Variants in LCE6A observed in about 807,000 individuals in gnomAD.
LCE6A encodes the protein late cornified envelope 6A, also known as late cornified envelope protein 6A.
For missense variants in LCE6A, 105 were observed against 95.3 expected (o/e 1.10, Z -0.42); for synonymous variants, 38 against 35.2 (o/e 1.08, Z -0.28).
chr1:152,842,930 G>A lies in LCE6A; in HGVS notation c.-103G>A, dbSNP rs7552416. ...TAGGGTAAGGCTACTTCTGGCTGAG[G>A]AGACACTTGGATGTAGCTCAAGTGC... On this transcript the variant is annotated 5_prime_UTR_variant, in exon 1 of 2. Transcript: ENST00000431011. 8,545 of 152,334 alleles carry A rather than the reference G, an allele frequency of 0.056. 900 individuals are homozygous for A. The highest frequency in any genetic ancestry group is 0.48 in the East Asian group (2,490 of 5,158). The allele number at this position is 152,334 out of a possible 1,614,324, so 9.4% of individuals were successfully genotyped here.
Position 152,843,858 on chromosome 1 carries a change from A to G in LCE6A, c.*95A>G. 1 of 1,393,502 alleles carries G rather than the reference A, an allele frequency of 7.2e-7. No homozygotes were observed. The highest frequency in any genetic ancestry group is 9.5e-7 in the Non-Finnish European group (1 of 1,048,248). The allele number at this position is 1,393,502 out of a possible 1,614,324, so 86.3% of individuals were successfully genotyped here. On this transcript the variant is annotated 3_prime_UTR_variant, in exon 2 of 2. Coordinates refer to ENST00000431011, the MANE Select transcript of LCE6A (RefSeq NM_001128600.2). ...TGGAAAGCCAGGCCCTCAACCTCTC[A>G]TTTGGACTGAGAAACACTTCCTGAT...
rs1647889142 is a variant in LCE6A, at chr1:152,842,998, A to T, written c.-35A>T. The T allele has an allele frequency of 6.6e-6, 1 of 152,516 alleles. No individual in the cohort carries two copies. Among genetic ancestry groups the T allele is most frequent in the African/African-American group, 2.4e-5 (1 of 41,428 alleles). The allele number at this position is 152,516 out of a possible 1,614,324, so 9.4% of individuals were successfully genotyped here. Reference sequence around the variant, plus strand: ...TCTCTCCTCTCGTCTCTTCCCAGGGAGCTGAAAAGCCAGGTAGGAGATGCT... The same window carrying T: ...TCTCTCCTCTCGTCTCTTCCCAGGGTGCTGAAAAGCCAGGTAGGAGATGCT... On this transcript the variant is annotated 5_prime_UTR_variant, in exon 1 of 2. Transcript: ENST00000431011.
At chr1:152,843,434 G>A in intron 1 of LCE6A, 66 bp from the exon 2 acceptor site, 1 of 1,376,224 alleles carries the variant, frequency 7.3e-7, no homozygotes, top group Non-Finnish European at 9.7e-7. Flanking sequence ...GACAGCTCCA[G>A]TTTGTGGAGG....
Position 152,843,957 on chromosome 1 carries a change from A to C in LCE6A, c.*194A>C. The stretch of plus-strand genomic sequence containing the variant: ...TCTCTTCCATTCACCCCTTCAGCTC[A>C]GCAACAATAAAGCTGCTTTACTTGG... On this transcript the variant is annotated 3_prime_UTR_variant, in exon 2 of 2. Coordinates refer to ENST00000431011, the MANE Select transcript of LCE6A (RefSeq NM_001128600.2). 3.6e-6 allele frequency: 2 copies of C among 552,690 alleles called. No homozygotes were observed. Among genetic ancestry groups the C allele is most frequent in the Non-Finnish European group, 6.2e-6 (2 of 322,132 alleles). The allele number at this position is 552,690 out of a possible 1,614,324, so 34.2% of individuals were successfully genotyped here.
At position 152,843,513 on chromosome 1, in the gene LCE6A, G is replaced by A. The variant is rs1340470257; in HGVS notation, c.-8G>A. 6.6e-7 allele frequency: 1 copy of A among 1,517,290 alleles called. No individual in the cohort carries two copies. Among genetic ancestry groups the A allele is most frequent in the South Asian group, 1.2e-5 (1 of 80,018 alleles). 94.0% of individuals were successfully genotyped at this position (1,517,290 alleles called of 1,614,324 possible). ...TTTTTCTTCCAGATTCGACCTGGTAGCCAAGCAATGTCACAGCAGAAGCAG... is the reference window on the plus strand; with the variant it reads ...TTTTTCTTCCAGATTCGACCTGGTAACCAAGCAATGTCACAGCAGAAGCAG... On this transcript the variant is annotated 5_prime_UTR_variant, in exon 2 of 2. Coordinates refer to ENST00000431011, the MANE Select transcript of LCE6A (RefSeq NM_001128600.2).
rs766698961 is a variant in LCE6A at position 152,843,693 on chromosome 1, G to A, written c.173G>A (p.Arg58His). 74 of 1,551,294 alleles carry A rather than the reference G, an allele frequency of 4.8e-5. No individual in the cohort carries two copies. Among genetic ancestry groups the A allele is most frequent in the Admixed American group, 1.8e-4 (9 of 50,958 alleles). The change falls in exon 2 of 2, where the codon CGT becomes CAT. Residue 58 changes from arginine (R) to histidine (H), a missense_variant. Coordinates refer to ENST00000431011, the MANE Select transcript of LCE6A (RefSeq NM_001128600.2). ...RPEVQKPRRA[R>H]QKLRCLSRGT... The stretch of plus-strand genomic sequence containing the variant: ...GAGGTTCAGAAGCCTAGGAGGGCTC[G>A]TCAAAAGCTGCGCTGCCTAAGTAGG...
rs540031019 is a variant in LCE6A at position 152,842,915 on chromosome 1, C to T, written c.-118C>T. ...CCACACATCTTCCACTAGGGTAAGG[C>T]TACTTCTGGCTGAGGAGACACTTGG... On this transcript the variant is annotated 5_prime_UTR_variant, in exon 1 of 2. Transcript: ENST00000431011. The T allele has an allele frequency of 6.6e-6, 1 of 152,414 alleles. No individual in the cohort carries two copies. 9.4% of individuals were successfully genotyped at this position (152,414 alleles called of 1,614,324 possible).
intron 1 of LCE6A, 61 bp from the exon 2 acceptor site, chr1:152,843,439 T>C (rs1352207442): frequency 1.4e-6 from 2 of 1,391,138 alleles, no homozygotes; most frequent in Admixed American, 5.6e-5. Flanking sequence ...CTCCAGTTTG[T>C]GGAGGAGAGA....
Position 152,843,847 on chromosome 1 carries a change from C to T in LCE6A, c.*84C>T, listed in dbSNP as rs757080970. 8.4e-6 allele frequency: 12 copies of T among 1,434,186 alleles called. No homozygotes were observed. In the East Asian group the frequency reaches 2.0e-4, roughly 24 times the overall value. 88.8% of individuals were successfully genotyped at this position (1,434,186 alleles called of 1,614,324 possible). On this transcript the variant is annotated 3_prime_UTR_variant, in exon 2 of 2. Coordinates refer to ENST00000431011, the MANE Select transcript of LCE6A (RefSeq NM_001128600.2). ...TAATTCCCCCTTGGAAAGCCAGGCC[C>T]TCAACCTCTCATTTGGACTGAGAAA...
rs1557848757 is a variant in LCE6A at position 152,843,481 on chromosome 1, A to G, written c.-21-19A>G. On this transcript the variant is annotated intron_variant, in intron 1 of 1. Coordinates refer to ENST00000431011, the MANE Select transcript of LCE6A (RefSeq NM_001128600.2). ...AGCCCAAGCTGCCTGGGTCCCTGAT[A>G]TAACTATTTTTCTTCCAGATTCGAC... 2 of 1,481,180 alleles carry G rather than the reference A, an allele frequency of 1.4e-6. No individual in the cohort carries two copies. The highest frequency in any genetic ancestry group is 2.5e-5 in the East Asian group (1 of 40,266). The allele number at this position is 1,481,180 out of a possible 1,614,324, so 91.8% of individuals were successfully genotyped here.
rs1048792767 is a variant in LCE6A, at chr1:152,843,830, C to A, written c.*67C>A. The A allele has an allele frequency of 1.4e-6, 2 of 1,464,990 alleles. No homozygotes were observed. Among genetic ancestry groups the A allele is most frequent in the Admixed American group, 2.5e-5 (1 of 39,250 alleles). The allele number at this position is 1,464,990 out of a possible 1,614,324, so 90.7% of individuals were successfully genotyped here. Reference sequence around the variant, plus strand: ...GCCCCACCTTTGGGTACTAATTCCCCCTTGGAAAGCCAGGCCCTCAACCTC... The same window carrying A: ...GCCCCACCTTTGGGTACTAATTCCCACTTGGAAAGCCAGGCCCTCAACCTC... On this transcript the variant is annotated 3_prime_UTR_variant, in exon 2 of 2. Transcript: ENST00000431011.
chr1:152,843,585 G>T lies in LCE6A; in HGVS notation c.65G>T (p.Arg22Ile). The change falls in exon 2 of 2, where the codon AGA becomes ATA. Residue 22 changes from arginine to isoleucine, a missense_variant. By Grantham distance (97) the Arg-to-Ile change is moderately conservative. Coordinates refer to ENST00000431011, the MANE Select transcript of LCE6A (RefSeq NM_001128600.2). ...GTTCCCAAATGCTCCCCTCCCCAAA[G>T]ATCAAACCCCTGCCTAGCTCCCTAC... Reference protein sequence around the residue: ...PNVPKCSPPQRSNPCLAPYST... With the variant: ...PNVPKCSPPQISNPCLAPYST... The T allele has an allele frequency of 6.4e-7, 1 of 1,551,336 alleles. No individual in the cohort carries two copies. Among genetic ancestry groups the T allele is most frequent in the Non-Finnish European group, 8.7e-7 (1 of 1,146,802 alleles).
chr1:152,843,980 T>G lies in LCE6A; in HGVS notation c.*217T>G, dbSNP rs1363542005. 6.6e-6 allele frequency: 3 copies of G among 455,994 alleles called. No individual in the cohort carries two copies. The highest frequency in any genetic ancestry group is 3.9e-5 in the African/African-American group (2 of 51,194). The allele number at this position is 455,994 out of a possible 1,614,324, so 28.2% of individuals were successfully genotyped here. A position where few individuals can be genotyped will look rare whatever the true frequency, so the allele number is the denominator to read the frequency against. ...TCAGCAACAATAAAGCTGCTTTACT[T>G]GGAGCCCTGACTTCTGTGAGTTCTT... On this transcript the variant is annotated 3_prime_UTR_variant, in exon 2 of 2. Coordinates refer to ENST00000431011, the MANE Select transcript of LCE6A (RefSeq NM_001128600.2).
rs1247558060 is a variant in LCE6A at position 152,842,899 on chromosome 1, T to A, written c.-134T>A. ...TCCTGGGATAACTTGTCCACACATC[T>A]TCCACTAGGGTAAGGCTACTTCTGG... On this transcript the variant is annotated 5_prime_UTR_variant, in exon 1 of 2. Transcript: ENST00000431011. The A allele has an allele frequency of 6.6e-6, 1 of 152,360 alleles. No individual in the cohort carries two copies. The highest frequency in any genetic ancestry group is 1.5e-5 in the Non-Finnish European group (1 of 68,160). The allele number at this position is 152,360 out of a possible 1,614,324, so 9.4% of individuals were successfully genotyped here.
Position 152,843,917 on chromosome 1 carries a change from C to A in LCE6A, c.*154C>A, listed in dbSNP as rs116136882. 1.8e-3 allele frequency: 1,449 copies of A among 822,964 alleles called. 15 individuals are homozygous for A. In the African/African-American group the frequency reaches 0.023, roughly 13 times the overall value. 51.0% of individuals were successfully genotyped at this position (822,964 alleles called of 1,614,324 possible). A position where few individuals can be genotyped will look rare whatever the true frequency, so the allele number is the denominator to read the frequency against. On this transcript the variant is annotated 3_prime_UTR_variant, in exon 2 of 2. Transcript: ENST00000431011. ...CTAGAGAAGCGAGAACTAGGCTGAG[C>A]CACGCTGCTACTGCTCTCTTCCATT...
intron 1 of LCE6A, 124 bp from the exon 2 acceptor site, chr1:152,843,376 C>T (rs1206729948): frequency 1.3e-6 from 1 of 780,828 alleles, no homozygotes; most frequent in Non-Finnish European, 2.0e-6. Flanking sequence ...CCGTTTTTCT[C>T]CTCCTGAGAT....
At chr1:152,843,411 G>A in intron 1 of LCE6A, 89 bp from the exon 2 acceptor site, 1 of 1,194,382 alleles carries the variant, frequency 8.4e-7, no homozygotes, top group Non-Finnish European at 1.2e-6. Context: ...TGTAAATGCT[G>A]GACTTCATTT....
At position 152,843,726 on chromosome 1, in the gene LCE6A, C is replaced by A. The variant is rs146442958; in HGVS notation, c.206C>A (p.Thr69Asn). 192 of 1,551,278 alleles carry A rather than the reference C, an allele frequency of 1.2e-4. No individual in the cohort carries two copies. In the East Asian group the frequency reaches 2.1e-3, roughly 17 times the overall value. Residue 69 changes from threonine to asparagine, a missense_variant, in exon 2 of 2, where the codon ACC becomes AAC. Physicochemically the swap from Thr to Asn is moderately conservative, Grantham distance 65. Coordinates refer to ENST00000431011, the MANE Select transcript of LCE6A (RefSeq NM_001128600.2). ...QKLRCLSRGTTYHCKEEECEG... is the reference protein window; with the variant it reads ...QKLRCLSRGTNYHCKEEECEG... ...CTGCGCTGCCTAAGTAGGGGCACAA[C>A]CTACCACTGCAAAGAGGAAGAGTGT...
Position 152,843,506 on chromosome 1 carries a change from C to T in LCE6A, c.-15C>T. 6.6e-7 allele frequency: 1 copy of T among 1,512,224 alleles called. No homozygotes were observed. Among genetic ancestry groups the T allele is most frequent in the Non-Finnish European group, 8.9e-7 (1 of 1,127,246 alleles). The allele number at this position is 1,512,224 out of a possible 1,614,324, so 93.7% of individuals were successfully genotyped here. The stretch of plus-strand genomic sequence containing the variant: ...ATAACTATTTTTCTTCCAGATTCGA[C>T]CTGGTAGCCAAGCAATGTCACAGCA... On this transcript the variant is annotated 5_prime_UTR_variant, in exon 2 of 2. Transcript: ENST00000431011.
Sources: gnomAD v4.1 joint callset for allele counts on GRCh38, gnomAD v4.1.1 for gene constraint, MANE v1.5 for transcripts, NCBI Gene and HGNC (gene_info 2026-07-23, HGNC 2026-07-21) for gene names.